The following PCMT1 variants were observed in gnomAD, a reference collection of about 807,000 sequenced individuals.
PCMT1 encodes the protein protein-L-isoaspartate(D-aspartate) O-methyltransferase.
Under a neutral mutation model 29.2 loss-of-function variants are expected in PCMT1, and 9 were observed. The observed-to-expected ratio is 0.31, with a 90% CI of 0.19 to 0.54. PCMT1 has a LOEUF of 0.54. Among genes scored for constraint, PCMT1 ranks in the 20% least tolerant of loss-of-function variants. The pLI is 0.95. For missense variants in PCMT1, 184 were observed against 282.2 expected, an observed-to-expected ratio of 0.65 and a Z score of 2.49; for synonymous variants, 98 against 97.5, an observed-to-expected ratio of 1.00 and a Z score of -0.03.
At chr6:149,804,837 AT>A (rs956675289) in intron 7 of PCMT1, among the ~76,000 whole-genome samples, 27 of 149,738 alleles carry the variant, frequency 1.8e-4, no homozygotes, top group East Asian at 9.7e-4. Context: ...AGTCTTACTG[AT>A]TTTTTTTTTA....
chr6:149,791,400 G>C (rs1788365814), intron 4 of PCMT1, among the ~76,000 whole-genome samples: 1 of 152,140 alleles, frequency 6.6e-6, no homozygotes, highest in Non-Finnish European at 1.5e-5. Flanking sequence ...GTATTAACTG[G>C]GGACCCACTA....
upstream of PCMT1, chr6:149,749,725 G>T (rs924117593): frequency 6.5e-7 from 1 of 1,541,926 alleles, no homozygotes; most frequent in Non-Finnish European, 8.7e-7. Context: ...CGTGCCGCGG[G>T]GGATGCCGGG....
At chr6:149,768,787 C>T (rs1296950279) in intron 1 of PCMT1, among the ~76,000 whole-genome samples, 2 of 151,874 alleles carry the variant, frequency 1.3e-5, no homozygotes, top group Non-Finnish European at 2.9e-5. Context: ...CCACCACGCC[C>T]AGCTAATTTT....
rs541107309 is a variant in PCMT1, at chr6:149,789,965, G to T, written c.204G>T (p.Ala68=). 2.5e-6 allele frequency: 4 copies of T among 1,605,258 alleles called. No individual in the cohort carries two copies. Among genetic ancestry groups the T allele is most frequent in the African/African-American group, 2.7e-5 (2 of 74,522 alleles). The change falls in exon 4 of 8, where the codon GCG becomes GCT. Residue 68 remains alanine, a synonymous_variant. Coordinates refer to ENST00000464889, the MANE Select transcript of PCMT1 (RefSeq NM_001360452.2). The stretch of plus-strand genomic sequence containing the variant: ...TTTTCTTTTGGCAGCATGCATATGC[G>T]CTAGAACTTCTATTTGATCAGTTGC... ...TISAPHMHAY[A]LELLFDQLHE...
At chr6:149,809,628 C>G (rs949495280) in intron 7 of PCMT1, among the ~76,000 whole-genome samples, 3 of 152,064 alleles carry the variant, frequency 2.0e-5, no homozygotes, top group Non-Finnish European at 4.4e-5. Context: ...AAATTATGAG[C>G]TCTTTATTTC....
At chr6:149,779,004 ATTCTTT>A (rs1040071814) in intron 3 of PCMT1, among the ~76,000 whole-genome samples, 1 of 152,142 alleles carries the variant, frequency 6.6e-6, no homozygotes, top group Non-Finnish European at 1.5e-5. Context: ...AGAAAAATTT[ATTCTTT>A]TTCTTGAAGG....
intron 7 of PCMT1, among the ~76,000 whole-genome samples, chr6:149,803,506 A>G (rs999593037): frequency 1.1e-5 from 1 of 91,760 alleles, no homozygotes; most frequent in Non-Finnish European, 1.9e-5. Flanking sequence ...TTTGAAGCCA[A>G]GATTTCTCTT....
intron 1 of PCMT1, among the ~76,000 whole-genome samples, chr6:149,764,940 CT>C (rs1353641851): frequency 6.7e-6 from 1 of 150,284 alleles, no homozygotes. Context: ...ACTCTGGAGG[CT>C]GAGGCAGGAA....
In PCMT1 at chr6:149,763,136, GAT is replaced by G. The variant is rs1194731968; in HGVS notation, c.56-8017_56-8016del. 1.1e-4 allele frequency among the ~76,000 whole-genome samples: 6 copies of G among 52,762 alleles called. 2 individuals are homozygous for G. In the African/African-American group the frequency reaches 1.2e-3, roughly 11 times the overall value. 34.6% of individuals were successfully genotyped at this position (52,762 alleles called of 152,430 possible). A position where few individuals can be genotyped will look rare whatever the true frequency, so the allele number is the denominator to read the frequency against. ...TGATATGTATATCTATGATATATAT[GAT>G]ATATATATCTATGATATATATCTAT... On this transcript the variant is annotated intron_variant, in intron 1 of 7. Coordinates refer to ENST00000464889, the MANE Select transcript of PCMT1 (RefSeq NM_001360452.2).
intron 2 of PCMT1, chr6:149,772,109 T>G: frequency 4.4e-6 from 2 of 456,742 alleles, no homozygotes; most frequent in Non-Finnish European, 8.8e-6. Flanking sequence ...TGCCTCAGGA[T>G]TCTGTCAGTC....
chr6:149,781,822 A>T (rs1787830439), intron 3 of PCMT1, among the ~76,000 whole-genome samples: 2 of 152,234 alleles, frequency 1.3e-5, no homozygotes, highest in Non-Finnish European at 2.9e-5. Context: ...TTACATTGTT[A>T]TGCAATCAGT....
intron 7 of PCMT1, among the ~76,000 whole-genome samples, chr6:149,804,338 TTAG>T (rs762362529): frequency 8.3e-4 from 126 of 152,058 alleles, no homozygotes; most frequent in Non-Finnish European, 1.7e-3. Flanking sequence ...ACAATAAATA[TTAG>T]TGTTGAACAT....
chr6:149,772,032 CCTT>C (rs746341757), intron 2 of PCMT1: 9 of 456,732 alleles, frequency 2.0e-5, no homozygotes, highest in South Asian at 1.2e-4. Context: ...GTATTTAACT[CCTT>C]CTCCTGAAGC....
chr6:149,805,375 C>CT (rs1775977837), intron 7 of PCMT1, among the ~76,000 whole-genome samples: 1 of 151,820 alleles, frequency 6.6e-6, no homozygotes, highest in East Asian at 1.9e-4. Flanking sequence ...GGGCAGATCA[C>CT]AAGGTCAGGA....
intron 1 of PCMT1, among the ~76,000 whole-genome samples, chr6:149,750,909 A>T (rs1319483942): frequency 2.0e-5 from 3 of 152,192 alleles, no homozygotes; most frequent in Non-Finnish European, 2.9e-5. Context: ...ACTATGCAGT[A>T]ATCATATCTT....
At chr6:149,771,420 A>G (rs1199324634) in intron 2 of PCMT1, among the ~76,000 whole-genome samples, 154 bp downstream of exon 2, 1 of 152,216 alleles carries the variant, frequency 6.6e-6, no homozygotes, top group Non-Finnish European at 1.5e-5. Context: ...AAACATACCT[A>G]TTTTAATAAA....
Position 149,796,442 on chromosome 6 carries a change from A to G in PCMT1, c.446A>G (p.Glu149Gly). The stretch of plus-strand genomic sequence containing the variant: ...GGGGATGGAAGAATGGGATATGCTG[A>G]AGAAGCCCCTTATGATGCCATTCAT... ...VVGDGRMGYA[E>G]EAPYDAIHVG... Residue 149 changes from glutamate to glycine, a missense_variant, in exon 6 of 8, where the codon GAA becomes GGA. By Grantham distance (98) the Glu-to-Gly change is moderately conservative (BLOSUM62 -2). Transcript: ENST00000464889. 6.2e-7 allele frequency: 1 copy of G among 1,613,852 alleles called. No individual in the cohort carries two copies. The highest frequency in any genetic ancestry group is 8.5e-7 in the Non-Finnish European group (1 of 1,179,902).
At chr6:149,808,346 G>T (rs542771879) in intron 7 of PCMT1, among the ~76,000 whole-genome samples, 3 of 152,014 alleles carry the variant, frequency 2.0e-5, no homozygotes, top group East Asian at 1.9e-4. Flanking sequence ...TAAAGAAATG[G>T]TCATACAGAA....
intron 7 of PCMT1, among the ~76,000 whole-genome samples, chr6:149,805,453 G>T (rs1775981879): frequency 6.6e-6 from 1 of 151,332 alleles, no homozygotes; most frequent in East Asian, 2.0e-4. Flanking sequence ...AATTAGCCGG[G>T]CGTGGTGGCA....
Sources: gnomAD v4.1 joint callset for allele counts (sites outside exome capture counted in the v4.1 genomes callset) on GRCh38, gnomAD v4.1.1 for gene constraint, MANE v1.5 for transcripts, NCBI Gene and HGNC (gene_info 2026-07-23, HGNC 2026-07-21) for gene names.